Variants in RBFOX3 observed in about 807,000 individuals in gnomAD.
RBFOX3 encodes RNA binding fox-1 homolog 3.
RBFOX3 carries 17 observed loss-of-function variants against 48.7 expected under a neutral mutation model. That is an observed-to-expected ratio of 0.35 (90% confidence interval 0.24 to 0.52). The LOEUF is 0.52. Ranked by LOEUF, RBFOX3 falls within the 20% of genes least tolerant of loss-of-function variation. The pLI, the probability that RBFOX3 is intolerant of heterozygous loss-of-function variation, is 0.94. For missense variants in RBFOX3, 382 were observed against 497.5 expected (o/e 0.77, Z 2.21); for synonymous variants, 212 against 209.5 (o/e 1.01, Z -0.10).
chr17:79,664,709 C>G, the RBFOX3 span, among the ~76,000 whole-genome samples: 193 of 152,264 alleles, frequency 1.3e-3, no homozygotes, highest in Middle Eastern at 0.01. Context: ...TGTATAGCCA[C>G]CACCTGTCCA....
chr17:79,391,426 C>T lies in RBFOX3; in HGVS notation c.-174-83602G>A, dbSNP rs1267526758. On this transcript the variant is annotated intron_variant, in intron 2 of 14. Transcript: ENST00000693108. This position sits in a 1 kb window ranked among gnomAD's most constrained non-coding sequence, Gnocchi z 5.0. ...GGCAGGTTACCTAACTTCTCTGAGC[C>T]TCAGTCTCCTCTGCTTAATAATGGG... is the stretch of plus-strand genomic sequence containing the variant. Among the ~76,000 whole-genome samples, 1 of 152,176 alleles carries T rather than the reference C, an allele frequency of 6.6e-6. No homozygotes were observed. Among genetic ancestry groups the T allele is most frequent in the East Asian group, 1.9e-4 (1 of 5,178 alleles).
At chr17:79,378,489 G>T (rs2059492071) in intron 2 of RBFOX3, among the ~76,000 whole-genome samples, 1 of 152,184 alleles carries the variant, frequency 6.6e-6, no homozygotes, top group Non-Finnish European at 1.5e-5. Flanking sequence ...TTGCCCAGGT[G>T]TCGGACTCGC....
chr17:79,628,150 A>C, the RBFOX3 span, among the ~76,000 whole-genome samples: 1 of 151,840 alleles, frequency 6.6e-6, no homozygotes, highest in Non-Finnish European at 1.5e-5. Context: ...AACTCCAAAC[A>C]AACAGGTGTG....
At chr17:79,275,123 C>CTCTCTCTCTCTCTCTCT in intron 3 of RBFOX3, among the ~76,000 whole-genome samples, 1 of 130,660 alleles carries the variant, frequency 7.7e-6, no homozygotes, top group South Asian at 2.6e-4. Flanking sequence ...TCCATGTCTC[C>CTCTCTCTCTCTCTCTCT]CTCTCTCTCT....
At chr17:79,413,611 G>A (rs1021156345) in intron 2 of RBFOX3, among the ~76,000 whole-genome samples, 5 of 152,266 alleles carry the variant, frequency 3.3e-5, no homozygotes, top group East Asian at 1.9e-4. Flanking sequence ...CCAGTGGGAA[G>A]GAGGCTCTGG....
intron 2 of RBFOX3, among the ~76,000 whole-genome samples, chr17:79,456,783 C>T (rs1229768319): frequency 1.3e-5 from 2 of 152,100 alleles, no homozygotes; most frequent in African/African-American, 4.8e-5. Flanking sequence ...CCGGCTCTCT[C>T]GGTCTTTCAA....
At chr17:79,129,982 A>C (rs1387691291) in intron 4 of RBFOX3, among the ~76,000 whole-genome samples, 1 of 152,100 alleles carries the variant, frequency 6.6e-6, no homozygotes, top group East Asian at 1.9e-4. Flanking sequence ...GCTCTGCAGG[A>C]GGAGGGCAGG....
chr17:79,230,873 G>A (rs570321427), intron 4 of RBFOX3, among the ~76,000 whole-genome samples: 41 of 152,212 alleles, frequency 2.7e-4, no homozygotes, highest in African/African-American at 9.4e-4. Flanking sequence ...AGACAGATCC[G>A]GTGTAAAGAA....
intron 1 of RBFOX3, among the ~76,000 whole-genome samples, chr17:79,575,068 G>A (rs1325059468): frequency 3.3e-5 from 5 of 152,242 alleles, no homozygotes; most frequent in Non-Finnish European, 7.3e-5. Context: ...TGCTGCCCTG[G>A]GGTCTACCCC....
At chr17:79,102,438 G>A (rs1323785852) in intron 8 of RBFOX3, among the ~76,000 whole-genome samples, 1 of 152,206 alleles carries the variant, frequency 6.6e-6, no homozygotes, top group Non-Finnish European at 1.5e-5. Context: ...CCTGCCTGAG[G>A]GCTCTGTCAT....
At chr17:79,221,019 G>A (rs1007457831) in intron 4 of RBFOX3, among the ~76,000 whole-genome samples, 2 of 152,218 alleles carry the variant, frequency 1.3e-5, no homozygotes, top group Non-Finnish European at 2.9e-5. Context: ...GAGGGACTCC[G>A]ATACCTTCTC....
At chr17:79,574,236 G>C (rs1321921584) in intron 1 of RBFOX3, among the ~76,000 whole-genome samples, 2 of 152,206 alleles carry the variant, frequency 1.3e-5, no homozygotes, top group Non-Finnish European at 2.9e-5. Flanking sequence ...CTTGAATAGG[G>C]GCTGGGCAGA....
In RBFOX3 at chr17:79,535,017, T is replaced by C. The variant is rs1555788380; in HGVS notation, c.-319-52419A>G. ...GGGATCCCAGCTGAATCGGTTAGGATGCTTTCAGCTGCACCCAACAGAAAC... is the reference window on the plus strand; with the variant it reads ...GGGATCCCAGCTGAATCGGTTAGGACGCTTTCAGCTGCACCCAACAGAAAC... On this transcript the variant is annotated intron_variant, in intron 1 of 14. Coordinates refer to ENST00000693108, the MANE Select transcript of RBFOX3 (RefSeq NM_001350451.2). The surrounding 1 kb of genome is among the most constrained non-coding windows in gnomAD (Gnocchi z 4.5). Among the ~76,000 whole-genome samples, 1 of 152,134 alleles carries C rather than the reference T, an allele frequency of 6.6e-6. No individual in the cohort carries two copies. Among genetic ancestry groups the C allele is most frequent in the Admixed American group, 6.5e-5 (1 of 15,286 alleles).
chr17:79,441,047 G>T (rs1555734561), intron 2 of RBFOX3, among the ~76,000 whole-genome samples: 1 of 152,258 alleles, frequency 6.6e-6, no homozygotes, highest in East Asian at 1.9e-4. Flanking sequence ...ACCTGGGGGT[G>T]CAGGGAGAGG....
intron 3 of RBFOX3, among the ~76,000 whole-genome samples, chr17:79,266,785 A>G (rs901392910): frequency 2.6e-5 from 4 of 152,142 alleles, no homozygotes; most frequent in African/African-American, 9.7e-5. Flanking sequence ...TGAAATCCTG[A>G]TGGAGAAAGC....
intron 4 of RBFOX3, among the ~76,000 whole-genome samples, chr17:79,151,212 G>T (rs1221197343): frequency 6.6e-6 from 1 of 151,860 alleles, no homozygotes; most frequent in Non-Finnish European, 1.5e-5. Flanking sequence ...CCCCTGCCCT[G>T]GGAGGGCTGA....
chr17:79,165,001 A>G lies in RBFOX3; in HGVS notation c.-33-49253T>C, dbSNP rs112061208. Among the ~76,000 whole-genome samples the G allele has an allele frequency of 5.0e-3, 763 of 152,098 alleles. 4 individuals carry two copies. The highest frequency in any genetic ancestry group is 0.017 in the African/African-American group (724 of 41,510). The stretch of plus-strand genomic sequence containing the variant: ...ATCTGCTAAGGAAAGACCAGACCAC[A>G]CGCTCATCTTTCTAGAGCCAGGAGG... On this transcript the variant is annotated intron_variant, in intron 4 of 14. Transcript: ENST00000693108.
chr17:79,345,410 A>G (rs1413353069), intron 2 of RBFOX3, among the ~76,000 whole-genome samples: 1 of 152,214 alleles, frequency 6.6e-6, no homozygotes, highest in Non-Finnish European at 1.5e-5. Flanking sequence ...CTGTTCATAA[A>G]GGGATTGAAC....
At position 79,354,974 on chromosome 17, in the gene RBFOX3, G is replaced by A. The variant is rs114975577; in HGVS notation, c.-174-47150C>T. Among the ~76,000 whole-genome samples the A allele has an allele frequency of 2.5e-3, 379 of 152,246 alleles. 1 individual carries two copies. The highest frequency in any genetic ancestry group is 8.7e-3 in the African/African-American group (360 of 41,544). ...AGCTAACAGCGGGCTCCCTTCCCTG[G>A]CTGTGGGATTATTAATGGGTGTTAT... On this transcript the variant is annotated intron_variant, in intron 2 of 14. Transcript: ENST00000693108.
Sources: allele counts gnomAD v4.1 joint callset (sites outside exome capture counted in the v4.1 genomes callset), GRCh38; gene constraint gnomAD v4.1.1; non-coding constraint Gnocchi (gnomAD v3.1); transcripts MANE v1.5; gene names NCBI Gene and HGNC (gene_info 2026-07-23, HGNC 2026-07-21).